Variants in MTA3 observed in about 807,000 individuals in gnomAD.
The protein encoded by MTA3 is metastasis-associated protein MTA3.
A neutral mutation model predicts 83.5 loss-of-function variants in MTA3; 34 were observed. The observed-to-expected ratio is 0.41, with a 90% CI of 0.31 to 0.54. The LOEUF (loss-of-function observed/expected upper bound fraction) is 0.54, where lower values mean the gene tolerates loss of function less well. MTA3 is among the 20% of genes least tolerant of loss of function. MTA3 has a pLI of 0.33. For missense variants in MTA3, 761 were observed against 726.4 expected (o/e 1.05, Z -0.55); for synonymous variants, 303 against 252.7 (o/e 1.20, Z -1.89).
intron 9 of MTA3, among the ~76,000 whole-genome samples, chr2:42,686,848 G>A (rs907755256): frequency 4.0e-5 from 6 of 150,362 alleles, no homozygotes; most frequent in Non-Finnish European, 8.9e-5. Flanking sequence ...GCTGGGCATT[G>A]TGGCTCACAC....
chr2:42,548,878 TA>T (rs1676930977), intron 2 of MTA3, among the ~76,000 whole-genome samples: 2 of 11,290 alleles, frequency 1.8e-4, no homozygotes, highest in Non-Finnish European at 1.4e-4. Context: ...ATATATATAA[TA>T]TATATATATA....
chr2:42,500,573 C>T (rs1674351422), intron 2 of MTA3, among the ~76,000 whole-genome samples: 1 of 151,952 alleles, frequency 6.6e-6, no homozygotes, highest in Non-Finnish European at 1.5e-5. Flanking sequence ...CAAGAAAAAA[C>T]GTAAAAGTTC....
chr2:42,729,393 G>A (rs1175398749), intron 16 of MTA3, among the ~76,000 whole-genome samples: 9 of 152,116 alleles, frequency 5.9e-5, no homozygotes, highest in Admixed American at 2.6e-4. Context: ...GAGCCACTGC[G>A]CCCAGCCCAG....
At chr2:42,747,742 C>T (rs1046303018) in intron 16 of MTA3, among the ~76,000 whole-genome samples, 42 of 151,914 alleles carry the variant, frequency 2.8e-4, no homozygotes, top group Non-Finnish European at 4.4e-5. Context: ...TTGTTTATAT[C>T]ACACCTATAA....
At position 42,722,960 on chromosome 2, in the gene MTA3, A is replaced by G. The variant is rs570660847; in HGVS notation, c.1684A>G (p.Met562Val). 1 of 1,551,232 alleles carries G rather than the reference A, an allele frequency of 6.4e-7. No individual in the cohort carries two copies. Among genetic ancestry groups the G allele is most frequent in the Admixed American group, 2.0e-5 (1 of 51,008 alleles). Residue 562 changes from methionine to valine, a missense_variant, in exon 16 of 17, where the codon ATG becomes GTG. By Grantham distance (21) the Met-to-Val change is conservative (BLOSUM62 1). Transcript: ENST00000405094. ...CCTGCAAACCCCAACTACCAAGCGG[A>G]TGCTAACAACTCCAAATCACACATC... ...PSLQTPTTKRMLTTPNHTSLS... is the reference protein window; with the variant it reads ...PSLQTPTTKRVLTTPNHTSLS...
chr2:42,715,825 G>T (rs1192904701), intron 14 of MTA3, among the ~76,000 whole-genome samples: 1 of 152,058 alleles, frequency 6.6e-6, no homozygotes, highest in Non-Finnish European at 1.5e-5. Context: ...TGGAATAAAA[G>T]GCAAATCTTA....
intron 8 of MTA3, among the ~76,000 whole-genome samples, chr2:42,678,324 G>A (rs557334383): frequency 6.6e-6 from 1 of 152,104 alleles, no homozygotes; most frequent in East Asian, 1.9e-4. Flanking sequence ...GAAAGCCAAT[G>A]ATTTATTTTT....
intron 14 of MTA3, among the ~76,000 whole-genome samples, chr2:42,714,464 G>A (rs998508272): frequency 6.6e-6 from 1 of 152,064 alleles, no homozygotes; most frequent in Non-Finnish European, 1.5e-5. Flanking sequence ...TCTACTGATA[G>A]TTTTATCTTG....
In MTA3 at chr2:42,651,696, G is replaced by A. The variant is rs79087131; in HGVS notation, c.500-4504G>A. On this transcript the variant is annotated intron_variant, in intron 6 of 16. Coordinates refer to ENST00000405094, the MANE Select transcript of MTA3 (RefSeq NM_001330442.2). The stretch of plus-strand genomic sequence containing the variant: ...CCTGTAGGCCCAGCTATTTTGGGAG[G>A]CTGAGGCCGGAGAATCACATAAGCC... Among the ~76,000 whole-genome samples the A allele has an allele frequency of 5.5e-3, 835 of 152,086 alleles. 11 individuals carry two copies. The highest frequency in any genetic ancestry group is 0.019 in the African/African-American group (771 of 41,482).
chr2:42,562,451 G>A (rs1290443511), intron 2 of MTA3, among the ~76,000 whole-genome samples: 1 of 152,076 alleles, frequency 6.6e-6, no homozygotes, highest in Non-Finnish European at 1.5e-5. Context: ...TCAGGGCTGG[G>A]AAGAAGGAGT....
chr2:42,590,203 A>G (rs1680802817), intron 3 of MTA3, among the ~76,000 whole-genome samples: 1 of 152,112 alleles, frequency 6.6e-6, no homozygotes, highest in Non-Finnish European at 1.5e-5. Flanking sequence ...CTCCAAACTC[A>G]TGTTGAGATT....
rs904116101 is a variant in MTA3, at chr2:42,731,512, A to G, written c.1759+8477A>G. ...GGAAGAAGCAAAAGCAGAAACTTCT[A>G]ATAAACCCATCAGATCTCGTGAGAC... On this transcript the variant is annotated intron_variant, in intron 16 of 16. Transcript: ENST00000405094. Among the ~76,000 whole-genome samples the G allele has an allele frequency of 6.3e-4, 96 of 152,332 alleles. 1 individual carries two copies. Among genetic ancestry groups the G allele is most frequent in the African/African-American group, 2.1e-3 (87 of 41,582 alleles).
chr2:42,755,955 A>G lies in MTA3; in HGVS notation c.*2556A>G. 1.0e-6 allele frequency: 1 copy of G among 985,544 alleles called. No individual in the cohort carries two copies. Among genetic ancestry groups the G allele is most frequent in the Non-Finnish European group, 1.2e-6 (1 of 830,004 alleles). The allele number at this position is 985,544 out of a possible 1,614,324, so 61.0% of individuals were successfully genotyped here. A position where few individuals can be genotyped will look rare whatever the true frequency, so the allele number is the denominator to read the frequency against. ...GGGCCGACTGGAGGGTGTCGCCGGA[A>G]GGTTTCAGCCTGCCCTTCACAATTC... On this transcript the variant is annotated 3_prime_UTR_variant, in exon 17 of 17. Coordinates refer to ENST00000405094, the MANE Select transcript of MTA3 (RefSeq NM_001330442.2).
intron 2 of MTA3, among the ~76,000 whole-genome samples, chr2:42,534,441 C>CA (rs1264986844): frequency 6.6e-6 from 1 of 151,962 alleles, no homozygotes; most frequent in African/African-American, 2.4e-5. Flanking sequence ...ACTAAAAATA[C>CA]AAAAAATTAG....
chr2:42,686,167 G>C (rs950793619), intron 9 of MTA3, among the ~76,000 whole-genome samples: 2 of 152,106 alleles, frequency 1.3e-5, no homozygotes, highest in Admixed American at 1.3e-4. Flanking sequence ...CAGTGTCTTA[G>C]TTTTCCCAAG....
At chr2:42,529,514 C>A (rs1371471830) in intron 2 of MTA3, among the ~76,000 whole-genome samples, 1 of 152,212 alleles carries the variant, frequency 6.6e-6, no homozygotes, top group Non-Finnish European at 1.5e-5. Context: ...TTGTCCTGTA[C>A]CCTCGTTTTT....
intron 2 of MTA3, among the ~76,000 whole-genome samples, chr2:42,527,600 C>G (rs1675774880): frequency 6.6e-6 from 1 of 152,082 alleles, no homozygotes; most frequent in Non-Finnish European, 1.5e-5. Flanking sequence ...TCTACATTAT[C>G]TACAGAATAC....
chr2:42,710,695 C>T (rs942176144), intron 14 of MTA3, among the ~76,000 whole-genome samples: 2 of 152,076 alleles, frequency 1.3e-5, no homozygotes, highest in Non-Finnish European at 2.9e-5. Context: ...CATGGACTTA[C>T]GTTACCACTT....
At chr2:42,667,580 G>GTGTGTGTGTGTGTGTT (rs764385862) in intron 8 of MTA3, among the ~76,000 whole-genome samples, 4,827 of 126,988 alleles carry the variant, frequency 0.038, 226 homozygotes, top group African/African-American at 0.095. Context: ...TTGTGTGTGT[G>GTGTGTGTGTGTGTGTT]TGTGTGTGTG....
Sources: gnomAD v4.1 joint callset for allele counts (sites outside exome capture counted in the v4.1 genomes callset) on GRCh38, gnomAD v4.1.1 for gene constraint, MANE v1.5 for transcripts, NCBI Gene and HGNC (gene_info 2026-07-23, HGNC 2026-07-21) for gene names.